The following IQCK variants were observed in gnomAD, a reference collection of about 807,000 sequenced individuals.
The protein encoded by IQCK is IQ domain-containing protein K.
A neutral mutation model predicts 28.1 loss-of-function variants in IQCK; 29 were observed. That is an observed-to-expected ratio of 1.03 (90% CI 0.77 to 1.41). The LOEUF (loss-of-function observed/expected upper bound fraction) is 1.41, where lower values mean the gene tolerates loss of function less well. Among genes scored for constraint, IQCK ranks in the 40% most tolerant of loss-of-function variants. The probability of loss-of-function intolerance (pLI) is 0.00; values close to 1 mark genes in which losing one functional copy is unlikely to be tolerated. For missense variants in IQCK, 359 were observed against 314.7 expected (o/e 1.14, Z -1.07); for synonymous variants, 113 against 115.1 (o/e 0.98, Z 0.12).
chr16:19,814,370 A>G (rs902933674), intron 7 of IQCK, among the ~76,000 whole-genome samples: 3 of 151,980 alleles, frequency 2.0e-5, no homozygotes, highest in African/African-American at 7.2e-5. Flanking sequence ...GCACCATCGC[A>G]CTCCAGCCTG....
intron 9 of IQCK, among the ~76,000 whole-genome samples, chr16:19,843,175 C>T (rs981142306): frequency 1.3e-5 from 2 of 152,100 alleles, no homozygotes; most frequent in African/African-American, 4.8e-5. Context: ...ATTGAAATGT[C>T]ATCTTTCTTT....
At chr16:19,777,807 T>G (rs2055415607) in intron 6 of IQCK, among the ~76,000 whole-genome samples, 1 of 152,140 alleles carries the variant, frequency 6.6e-6, no homozygotes, top group African/African-American at 2.4e-5. Flanking sequence ...TCCCAGCACT[T>G]TGGGAAGCCA....
In IQCK at chr16:19,750,328, T is replaced by C. The variant is rs150332574; in HGVS notation, c.475-13520T>C. On this transcript the variant is annotated intron_variant, in intron 4 of 7. Transcript: ENST00000564186. ...TTTTAGTAGAGACGGGGTTTCACCA[T>C]GTTGGCCAGGCTAGTCTTGAACTCC... Among the ~76,000 whole-genome samples, 538 of 152,160 alleles carry C rather than the reference T, an allele frequency of 3.5e-3. 2 individuals are homozygous for C. The highest frequency in any genetic ancestry group is 0.012 in the African/African-American group (515 of 41,492).
intron 9 of IQCK, among the ~76,000 whole-genome samples, chr16:19,855,844 A>T (rs1232675928): frequency 2.6e-5 from 4 of 152,186 alleles, no homozygotes; most frequent in Non-Finnish European, 5.9e-5. Flanking sequence ...CCAGACAAAG[A>T]TATATTAAAA....
At chr16:19,839,906 G>T (rs1278662634) in intron 9 of IQCK, among the ~76,000 whole-genome samples, 2 of 151,954 alleles carry the variant, frequency 1.3e-5, no homozygotes, top group African/African-American at 4.8e-5. Flanking sequence ...GAAGCAGGAG[G>T]ACCTCTTAAA....
rs74909170 is a variant in IQCK, at chr16:19,741,018, G to A, written c.474+5568G>A. On this transcript the variant is annotated intron_variant, in intron 4 of 7. Coordinates refer to ENST00000564186, the Ensembl canonical transcript of IQCK. ...CAAGCAGGATGAAGCAGGATGAGTC[G>A]CCCATGTTTGGTTCTGTTCAACAAA... Among the ~76,000 whole-genome samples the A allele has an allele frequency of 8.4e-3, 1,273 of 151,226 alleles. 21 individuals carry two copies. Among genetic ancestry groups the A allele is most frequent in the African/African-American group, 0.029 (1,197 of 41,160 alleles).
chr16:19,731,893 G>T (rs2151681496), intron 2 of IQCK, among the ~76,000 whole-genome samples: 1 of 152,312 alleles, frequency 6.6e-6, no homozygotes, highest in Admixed American at 6.5e-5. Flanking sequence ...CTACCAGTCT[G>T]AGGGCCTCTG....
chr16:19,803,990 G>A (rs2055799164), intron 7 of IQCK, among the ~76,000 whole-genome samples: 1 of 152,186 alleles, frequency 6.6e-6, no homozygotes, highest in Admixed American at 6.5e-5. Context: ...GTAAACTGTA[G>A]ATGCAGAAAT....
At chr16:19,826,419 C>T (rs2056149312) in intron 7 of IQCK, among the ~76,000 whole-genome samples, 1 of 152,132 alleles carries the variant, frequency 6.6e-6, no homozygotes, top group Non-Finnish European at 1.5e-5. Flanking sequence ...TCTCTTGTCG[C>T]CCAGGCTGGA....
chr16:19,778,539 C>A (rs1269087633), intron 6 of IQCK, among the ~76,000 whole-genome samples: 1 of 152,016 alleles, frequency 6.6e-6, no homozygotes, highest in Non-Finnish European at 1.5e-5. Context: ...CACTTGTAGT[C>A]CCAGCTACTC....
intron 7 of IQCK, among the ~76,000 whole-genome samples, chr16:19,803,782 A>AG (rs1416086598): frequency 6.6e-6 from 1 of 152,104 alleles, no homozygotes; most frequent in African/African-American, 2.4e-5. Context: ...CCTCCCAAGT[A>AG]GATAGGGCTA....
intron 6 of IQCK, chr16:19,764,411 A>G (rs2055197573): frequency 8.6e-6 from 2 of 231,906 alleles, no homozygotes; most frequent in Admixed American, 5.2e-5. Context: ...GAATGTCATT[A>G]TGTCTCAGGA....
downstream of IQCK, among the ~76,000 whole-genome samples, chr16:19,828,886 AAT>A (rs1383067717): frequency 7.1e-6 from 1 of 140,630 alleles, no homozygotes; most frequent in Non-Finnish European, 1.5e-5. Flanking sequence ...ATATATATAA[AAT>A]ATATATTATA....
At chr16:19,735,368 A>G (rs1370158239) in exon 4 of IQCK, 2 of 1,613,458 alleles carry the variant, frequency 1.2e-6, no homozygotes, top group Admixed American at 3.3e-5. Context: ...CCCAAAGAAT[A>G]TTTGGAAACT....
chr16:19,847,365 G>T (rs1247443111), intron 9 of IQCK, among the ~76,000 whole-genome samples: 4 of 152,142 alleles, frequency 2.6e-5, no homozygotes, highest in Admixed American at 2.0e-4. Context: ...ACATACAGTG[G>T]GGTACACCGG....
intron 6 of IQCK, among the ~76,000 whole-genome samples, chr16:19,774,815 G>A (rs1187099355): frequency 5.3e-5 from 8 of 152,242 alleles, no homozygotes; most frequent in Admixed American, 5.2e-4. Context: ...TTCATGGACA[G>A]ACATACTGTG....
At chr16:19,769,388 G>A in intron 6 of IQCK, among the ~76,000 whole-genome samples, 1 of 152,198 alleles carries the variant, frequency 6.6e-6, no homozygotes. Context: ...TGGTTGTGAA[G>A]ATACAGTGAT....
intron 9 of IQCK, among the ~76,000 whole-genome samples, chr16:19,852,407 TAACAAACAAACA>T (rs71146277): frequency 1.1e-3 from 163 of 151,540 alleles, no homozygotes; most frequent in African/African-American, 3.3e-3. Flanking sequence ...CTACAACATT[TAACAAACAAACA>T]AACAAACAAA....
At chr16:19,839,561 C>A (rs534318635) in intron 9 of IQCK, among the ~76,000 whole-genome samples, 1 of 152,176 alleles carries the variant, frequency 6.6e-6, no homozygotes, top group Non-Finnish European at 1.5e-5. Context: ...CTATTTTGTT[C>A]ATTGCTCTGT....
Sources: allele counts gnomAD v4.1 joint callset (sites outside exome capture counted in the v4.1 genomes callset), GRCh38; gene constraint gnomAD v4.1.1; transcripts MANE v1.5; gene names NCBI Gene and HGNC (gene_info 2026-07-23, HGNC 2026-07-21).